GAPDHS: variants seen among roughly 807,000 people sequenced by gnomAD.
GAPDHS encodes glyceraldehyde-3-phosphate dehydrogenase, testis-specific.
A neutral mutation model predicts 48.7 loss-of-function variants in GAPDHS; 42 were observed. The ratio of observed to expected loss-of-function variants is 0.86; its 90% CI spans 0.67 to 1.12. The LOEUF (loss-of-function observed/expected upper bound fraction) is 1.12, where lower values mean the gene tolerates loss of function less well. Ranked by LOEUF, GAPDHS falls within the 50% of genes most tolerant of loss-of-function variation. The pLI, the probability that GAPDHS is intolerant of heterozygous loss-of-function variation, is 0.00. For missense variants in GAPDHS, 512 were observed against 557.7 expected (o/e 0.92, Z 0.82); for synonymous variants, 166 against 219.1 (o/e 0.76, Z 2.14).
intron 1 of GAPDHS, among the ~76,000 whole-genome samples, chr19:35,536,518 G>A (rs942049392): frequency 4.6e-5 from 7 of 151,792 alleles, no homozygotes; most frequent in Non-Finnish European, 8.8e-5. Flanking sequence ...GGAGGTTGCA[G>A]TAAGCCAAGA....
chr19:35,543,252 C>T (rs1368403965), intron 7 of GAPDHS, 88 bp from the exon 8 acceptor site: 2 of 1,505,964 alleles, frequency 1.3e-6, no homozygotes, highest in Non-Finnish European at 1.8e-6. Context: ...CCAGCCTCCA[C>T]ACCTAGGCCA....
intron 1 of GAPDHS, 39 bp from the exon 2 acceptor site, chr19:35,536,774 G>A (rs754302478): frequency 5.3e-6 from 8 of 1,511,314 alleles, no homozygotes; most frequent in Non-Finnish European, 7.3e-6. Flanking sequence ...CTTTCACTTT[G>A]GTGGTCATGC....
chr19:35,541,923 T>C, intron 4 of GAPDHS: 1 of 220,040 alleles, frequency 4.5e-6, no homozygotes, highest in East Asian at 1.2e-4. Context: ...GGCGAGGTTG[T>C]CAGAGCTGGG....
chr19:35,536,953 GTGTCTGTGGCCCGGGAGC>G lies in GAPDHS; in HGVS notation c.211_228del (p.Ser71_Leu76del). On this transcript the variant is annotated inframe_deletion, in exon 2 of 11. Coordinates refer to ENST00000222286, the MANE Select transcript of GAPDHS (RefSeq NM_014364.5). ...CCCCGCTACTCCTCCTCCTAAGATGGTGTCTGTGGCCCGGGAGCTGACTGTGGGCATCAATGGGTGAGT... is the reference window on the plus strand; with the variant it reads ...CCCCGCTACTCCTCCTCCTAAGATGGTGACTGTGGGCATCAATGGGTGAGT... 2.5e-6 allele frequency: 4 copies of G among 1,614,058 alleles called. No individual in the cohort carries two copies. The highest frequency in any genetic ancestry group is 2.5e-6 in the Non-Finnish European group (3 of 1,179,988).
Position 35,536,921 on chromosome 19 carries a change from C to A in GAPDHS, c.176C>A (p.Pro59His), listed in dbSNP as rs749951751. 1.2e-6 allele frequency: 2 copies of A among 1,614,062 alleles called. No homozygotes were observed. Among genetic ancestry groups the A allele is most frequent in the Non-Finnish European group, 1.7e-6 (2 of 1,180,030 alleles). The change falls in exon 2 of 11, where the codon CCT (proline) becomes CAT (histidine). Residue 59 changes from proline (P) to histidine (H), a missense_variant. Pro to His is a moderately conservative substitution (Grantham distance 77). Coordinates refer to ENST00000222286, the MANE Select transcript of GAPDHS (RefSeq NM_014364.5). ...EEIKPPPPPLPPHPATPPPKM... is the reference protein window; with the variant it reads ...EEIKPPPPPLHPHPATPPPKM... ...ATAAAGCCACCACCGCCACCACTGC[C>A]TCCTCACCCCGCTACTCCTCCTCCT...
chr19:35,538,232 C>T, intron 2 of GAPDHS, 75 bp from the exon 3 acceptor site: 1 of 1,023,638 alleles, frequency 9.8e-7, no homozygotes, highest in Non-Finnish European at 1.5e-6. Flanking sequence ...TAAGGATTCC[C>T]AACCAGGCTC....
At chr19:35,542,140 GT>G (rs942062660) in intron 4 of GAPDHS, 178 bp from the exon 5 acceptor site, 6 of 605,774 alleles carry the variant, frequency 9.9e-6, no homozygotes, top group Non-Finnish European at 1.8e-5. Flanking sequence ...TGGGGCAGTG[GT>G]GAAAAGCTAG....
intron 9 of GAPDHS, 36 bp downstream of exon 9, chr19:35,543,863 C>A (rs1028142711): frequency 6.5e-7 from 1 of 1,547,904 alleles, no homozygotes; most frequent in South Asian, 1.2e-5. Flanking sequence ...GGGAGGAGCC[C>A]TCTGGGAAGG....
intron 9 of GAPDHS, 91 bp downstream of exon 9, chr19:35,543,918 T>C: frequency 6.9e-7 from 1 of 1,445,036 alleles, no homozygotes; most frequent in South Asian, 1.4e-5. Flanking sequence ...ATGTGCCAAG[T>C]CAGAAACTGC....
chr19:35,543,284 G>C, intron 7 of GAPDHS, 56 bp from the exon 8 acceptor site: 1 of 1,589,712 alleles, frequency 6.3e-7, no homozygotes, highest in South Asian at 1.1e-5. Flanking sequence ...CTGGAAAAAA[G>C]AGGCATGGGA....
At chr19:35,543,885 C>T in intron 9 of GAPDHS, 58 bp downstream of exon 9, 1 of 1,495,562 alleles carries the variant, frequency 6.7e-7, no homozygotes, top group Non-Finnish European at 8.9e-7. Context: ...ACATGATTTC[C>T]ACTTGCCAGG....
chr19:35,536,813 T>C lies in GAPDHS; in HGVS notation c.68T>C (p.Val23Ala). The change falls in exon 2 of 11, where the codon GTG becomes GCG. Residue 23 changes from valine to alanine, a missense_variant and splice_region_variant. By Grantham distance (64) the Val-to-Ala change is moderately conservative. Transcript: ENST00000222286. Reference sequence around the variant, plus strand: ...CCATTCCCTCCCTTCCCCCGCATAGTGACCAGAGCACCGCCCCCACCTGAG... The same window carrying C: ...CCATTCCCTCCCTTCCCCCGCATAGCGACCAGAGCACCGCCCCCACCTGAG... ...VVQLLRQPCP[V>A]TRAPPPPEPK... 2 of 1,601,276 alleles carry C rather than the reference T, an allele frequency of 1.2e-6. No homozygotes were observed. Among genetic ancestry groups the C allele is most frequent in the Non-Finnish European group, 1.7e-6 (2 of 1,170,568 alleles).
At chr19:35,545,067 C>G in intron 10 of GAPDHS, 31 bp from the exon 11 acceptor site, 1 of 1,607,414 alleles carries the variant, frequency 6.2e-7, no homozygotes, top group Non-Finnish European at 8.5e-7. Flanking sequence ...CGGAAGGAAC[C>G]CCCTTGAACC....
intron 1 of GAPDHS, among the ~76,000 whole-genome samples, chr19:35,534,862 G>A (rs1360641668): frequency 1.3e-5 from 2 of 149,492 alleles, no homozygotes; most frequent in Non-Finnish European, 3.0e-5. Flanking sequence ...CCGGCTCCCA[G>A]CCCCACCACC....
At position 35,542,556 on chromosome 19, in the gene GAPDHS, G is replaced by A. The variant is rs757245260; in HGVS notation, c.607G>A (p.Val203Ile). 15 of 1,613,714 alleles carry A rather than the reference G, an allele frequency of 9.3e-6. No individual in the cohort carries two copies. Among genetic ancestry groups the A allele is most frequent in the East Asian group, 4.5e-5 (2 of 44,888 alleles). ...GCCCTCACCGGATGCACCAATGTTCGTCATGGGTGTCAATGAAAATGACTA... is the reference window on the plus strand; with the variant it reads ...GCCCTCACCGGATGCACCAATGTTCATCATGGGTGTCAATGAAAATGACTA... ...SAPSPDAPMFVMGVNENDYNP... is the reference protein window; with the variant it reads ...SAPSPDAPMFIMGVNENDYNP... The change falls in exon 6 of 11, where the codon GTC (valine) becomes ATC (isoleucine). Residue 203 changes from valine (V) to isoleucine (I), a missense_variant. Transcript: ENST00000222286.
chr19:35,542,275 G>A (rs996483505), intron 4 of GAPDHS, 44 bp from the exon 5 acceptor site: 7 of 1,324,376 alleles, frequency 5.3e-6, no homozygotes, highest in Middle Eastern at 2.6e-4. Flanking sequence ...TGAAGGTGGG[G>A]CTCAAGCAGG....
At chr19:35,537,356 G>A (rs2071472690) in intron 2 of GAPDHS, among the ~76,000 whole-genome samples, 2 of 152,166 alleles carry the variant, frequency 1.3e-5, no homozygotes, top group African/African-American at 4.8e-5. Flanking sequence ...ACCTTGCTGG[G>A]GAAGGAGTCT....
chr19:35,540,474 TGGG>T (rs1444589737), intron 4 of GAPDHS, among the ~76,000 whole-genome samples: 7 of 151,866 alleles, frequency 4.6e-5, no homozygotes, highest in African/African-American at 1.7e-4. Flanking sequence ...AGGCAGGAAA[TGGG>T]GGGTATCTGA....
At chr19:35,541,606 C>A (rs2071503132) in intron 4 of GAPDHS, 1 of 150,416 alleles carries the variant, frequency 6.6e-6, no homozygotes, top group Non-Finnish European at 1.5e-5. Context: ...GAAAGTGGAA[C>A]AGTTTATTCA....
Sources: allele counts gnomAD v4.1 joint callset (sites outside exome capture counted in the v4.1 genomes callset), GRCh38; gene constraint gnomAD v4.1.1; transcripts MANE v1.5; gene names NCBI Gene and HGNC (gene_info 2026-07-23, HGNC 2026-07-21).